The following PPFIBP1 variants were observed in gnomAD, a reference collection of about 807,000 sequenced individuals.
The protein encoded by PPFIBP1 is PPFIB scaffold protein 1, also known as liprin-beta-1.
Under a neutral mutation model 137.8 loss-of-function variants are expected in PPFIBP1, and 112 were observed. That is an observed-to-expected ratio of 0.81 (90% CI 0.70 to 0.95). PPFIBP1 has a LOEUF of 0.95. Ranked by LOEUF, PPFIBP1 falls within the 40% of genes least tolerant of loss-of-function variation. The pLI, the probability that PPFIBP1 is intolerant of heterozygous loss-of-function variation, is 0.00. For missense variants in PPFIBP1, 1,083 were observed against 1,196.6 expected (o/e 0.91, Z 1.40); for synonymous variants, 378 against 417.3 (o/e 0.91, Z 1.15).
At chr12:27,653,423 C>T (rs1249932341) in intron 7 of PPFIBP1, among the ~76,000 whole-genome samples, 1 of 151,870 alleles carries the variant, frequency 6.6e-6, no homozygotes, top group Admixed American at 6.6e-5. Context: ...CCCGTCTCTA[C>T]TAAAAATACA....
chr12:27,592,572 A>T, intron 2 of PPFIBP1: 4 of 1,446,048 alleles, frequency 2.8e-6, no homozygotes, highest in Admixed American at 1.7e-5. Context: ...TCACAGGATG[A>T]TACCTCCTCA....
At chr12:27,596,895 G>C (rs1592730286) in intron 2 of PPFIBP1, among the ~76,000 whole-genome samples, 1 of 152,168 alleles carries the variant, frequency 6.6e-6, no homozygotes, top group East Asian at 1.9e-4. Flanking sequence ...AACATAGCCA[G>C]ATTCAAACAT....
intron 1 of PPFIBP1, among the ~76,000 whole-genome samples, chr12:27,570,324 C>T (rs2050034511): frequency 6.6e-6 from 1 of 152,048 alleles, no homozygotes; most frequent in African/African-American, 2.4e-5. Context: ...ACTATTCTGC[C>T]TATTTGTTGG....
chr12:27,561,738 T>C (rs529629256), intron 1 of PPFIBP1, among the ~76,000 whole-genome samples: 2 of 152,196 alleles, frequency 1.3e-5, no homozygotes, highest in Admixed American at 1.3e-4. Flanking sequence ...CCTCTGCACA[T>C]TTGCACTTGC....
intron 2 of PPFIBP1, chr12:27,609,153 A>G (rs932734900): frequency 3.9e-5 from 6 of 153,178 alleles, no homozygotes; most frequent in South Asian, 2.1e-4. Context: ...GAGAACTACA[A>G]ATCTTATATT....
chr12:27,612,941 TC>T (rs2055316732), intron 2 of PPFIBP1, among the ~76,000 whole-genome samples: 2 of 144,830 alleles, frequency 1.4e-5, no homozygotes, highest in Non-Finnish European at 3.0e-5. Context: ...ATCATCATCA[TC>T]ATCATCATCA....
intron 2 of PPFIBP1, among the ~76,000 whole-genome samples, chr12:27,604,051 A>G (rs1208979233): frequency 6.6e-6 from 1 of 152,144 alleles, no homozygotes; most frequent in Non-Finnish European, 1.5e-5. Flanking sequence ...AAATGTGAAG[A>G]CCTTTGTTCT....
At chr12:27,585,714 T>C (rs1403917488) in intron 2 of PPFIBP1, among the ~76,000 whole-genome samples, 1 of 152,234 alleles carries the variant, frequency 6.6e-6, no homozygotes, top group East Asian at 1.9e-4. Flanking sequence ...AGAGTGAGGT[T>C]AATTCCAACC....
At chr12:27,600,713 T>C (rs965165252) in intron 2 of PPFIBP1, among the ~76,000 whole-genome samples, 12 of 152,202 alleles carry the variant, frequency 7.9e-5, no homozygotes, top group Non-Finnish European at 1.8e-4. Context: ...ATTTTACCTT[T>C]GAGGACAAAA....
chr12:27,685,217 GTATA>G (rs113468240), intron 24 of PPFIBP1, among the ~76,000 whole-genome samples: 2 of 149,820 alleles, frequency 1.3e-5, no homozygotes, highest in African/African-American at 2.4e-5. Flanking sequence ...CATAGAGTAT[GTATA>G]TATATATATA....
At chr12:27,647,599 C>A in intron 5 of PPFIBP1, 130 bp from the exon 6 acceptor site, 1 of 576,706 alleles carries the variant, frequency 1.7e-6, no homozygotes, top group Non-Finnish European at 3.0e-6. Flanking sequence ...TGGTACTTCT[C>A]AGATTTTTTT....
At chr12:27,593,384 G>A (rs1328586289) in intron 2 of PPFIBP1, 4 of 453,476 alleles carry the variant, frequency 8.8e-6, no homozygotes, top group Non-Finnish European at 1.8e-5. Flanking sequence ...ATCCTATGAG[G>A]CATCTCTGTG....
intron 1 of PPFIBP1, among the ~76,000 whole-genome samples, chr12:27,553,410 C>T (rs1263957681): frequency 7.9e-5 from 12 of 152,094 alleles, no homozygotes; most frequent in Admixed American, 3.9e-4. Flanking sequence ...GCCCCTGCCC[C>T]GCAGGAGCCA....
At chr12:27,644,007 A>G (rs1040013826) in intron 4 of PPFIBP1, among the ~76,000 whole-genome samples, 1 of 150,886 alleles carries the variant, frequency 6.6e-6, no homozygotes, top group Non-Finnish European at 1.5e-5. Flanking sequence ...TCCATATCAT[A>G]CAAAGTAGCT....
intron 17 of PPFIBP1, among the ~76,000 whole-genome samples, chr12:27,676,088 A>G (rs1279905092): frequency 6.6e-6 from 1 of 152,210 alleles, no homozygotes; most frequent in Non-Finnish European, 1.5e-5. Flanking sequence ...TGCTGCTATT[A>G]TTCTGGTTAT....
At chr12:27,576,944 T>A (rs1195007622) in intron 1 of PPFIBP1, among the ~76,000 whole-genome samples, 1 of 152,188 alleles carries the variant, frequency 6.6e-6, no homozygotes, top group Non-Finnish European at 1.5e-5. Context: ...AACATGACTG[T>A]TTACTTTCAG....
chr12:27,650,223 A>G, intron 7 of PPFIBP1, 82 bp downstream of exon 7: 2 of 1,262,406 alleles, frequency 1.6e-6, no homozygotes, highest in Non-Finnish European at 2.1e-6. Context: ...TTCCTAGGGC[A>G]AAGTTGAAAT....
chr12:27,537,373 C>T (rs1255571399), intron 1 of PPFIBP1, among the ~76,000 whole-genome samples: 5 of 152,170 alleles, frequency 3.3e-5, no homozygotes, highest in Non-Finnish European at 7.3e-5. Flanking sequence ...CCTCGTGATC[C>T]GCCGGCCTCG....
intron 2 of PPFIBP1, among the ~76,000 whole-genome samples, chr12:27,592,905 C>T (rs566797288): frequency 6.6e-6 from 1 of 151,972 alleles, no homozygotes; most frequent in South Asian, 2.1e-4. Flanking sequence ...TTTGGGAGGC[C>T]GAGGCATGTG....
Sources: gnomAD v4.1 joint callset for allele counts (sites outside exome capture counted in the v4.1 genomes callset) on GRCh38, gnomAD v4.1.1 for gene constraint, MANE v1.5 for transcripts, NCBI Gene and HGNC (gene_info 2026-07-23, HGNC 2026-07-21) for gene names.